Variants in NTNG1 observed in about 807,000 individuals in gnomAD.
The protein encoded by NTNG1 is netrin-G1.
NTNG1 carries 16 observed loss-of-function variants against 54.0 expected under a neutral mutation model. The ratio of observed to expected loss-of-function variants is 0.30; its 90% CI spans 0.20 to 0.45. NTNG1 has a LOEUF of 0.45. Ranked by LOEUF, NTNG1 falls within the 20% of genes least tolerant of loss-of-function variation. NTNG1 has a pLI of 1.00. For synonymous variants in NTNG1, 255 were observed against 263.1 expected (o/e 0.97, Z 0.30); for missense variants, 530 against 678.7 (o/e 0.78, Z 2.43).
intron 3 of NTNG1, among the ~76,000 whole-genome samples, chr1:107,345,683 C>T (rs1557918372): frequency 6.6e-6 from 1 of 152,120 alleles, no homozygotes; most frequent in Non-Finnish European, 1.5e-5. Flanking sequence ...TTACGTGCAG[C>T]CTTTGCAGTA....
At chr1:107,159,955 C>T (rs1270391231) in intron 2 of NTNG1, among the ~76,000 whole-genome samples, 2 of 152,160 alleles carry the variant, frequency 1.3e-5, no homozygotes, top group Non-Finnish European at 2.9e-5. Context: ...GAGCGGAGTA[C>T]ATATTGTATT....
At chr1:107,291,934 A>G (rs1665629775) in intron 2 of NTNG1, among the ~76,000 whole-genome samples, 1 of 152,210 alleles carries the variant, frequency 6.6e-6, no homozygotes, top group Admixed American at 6.5e-5. Flanking sequence ...TTAATAAAAG[A>G]ACTCTTTCAA....
At chr1:107,219,503 T>G (rs934509196) in intron 2 of NTNG1, among the ~76,000 whole-genome samples, 2 of 152,190 alleles carry the variant, frequency 1.3e-5, no homozygotes, top group Non-Finnish European at 2.9e-5. Context: ...TTTTGTCATG[T>G]TACTGGAATT....
At chr1:107,225,622 T>C (rs190766764) in intron 2 of NTNG1, among the ~76,000 whole-genome samples, 1 of 152,172 alleles carries the variant, frequency 6.6e-6, no homozygotes, top group Non-Finnish European at 1.5e-5. Context: ...GCTGAACACC[T>C]GTTAGCAGAG....
At chr1:107,470,622 T>C (rs1677921484) in intron 7 of NTNG1, among the ~76,000 whole-genome samples, 1 of 152,248 alleles carries the variant, frequency 6.6e-6, no homozygotes, top group Admixed American at 6.5e-5. Context: ...TGATATGTGT[T>C]GCCATTTTGT....
chr1:107,314,929 GA>G (rs1405128392), intron 2 of NTNG1, among the ~76,000 whole-genome samples: 1 of 152,280 alleles, frequency 6.6e-6, no homozygotes, highest in South Asian at 2.1e-4. Flanking sequence ...TTGTTATGAA[GA>G]AATGAGCAAA....
chr1:107,277,640 G>C (rs935928117), intron 2 of NTNG1, among the ~76,000 whole-genome samples: 9 of 152,264 alleles, frequency 5.9e-5, no homozygotes, highest in African/African-American at 2.2e-4. Flanking sequence ...TTTTTGGCTT[G>C]GAAGTTTCTA....
rs1045031142 is a variant in NTNG1 at position 107,481,200 on chromosome 1, C to T, written c.*360C>T. The T allele has an allele frequency of 1.8e-5, 5 of 278,346 alleles. 1 individual carries two copies. The highest frequency in any genetic ancestry group is 4.8e-5 in the Admixed American group (1 of 20,812). 17.2% of individuals were successfully genotyped at this position (278,346 alleles called of 1,614,324 possible). ...ACATTGGCTACTCTAGCGTGGTGCG[C>T]CCTAGTACGACTCCGCCCAGTGTGT... On this transcript the variant is annotated 3_prime_UTR_variant, in exon 8 of 8. Coordinates refer to ENST00000370068, the MANE Select transcript of NTNG1 (RefSeq NM_001113226.3).
At chr1:107,188,201 T>C (rs1436032838) in intron 2 of NTNG1, among the ~76,000 whole-genome samples, 2 of 152,150 alleles carry the variant, frequency 1.3e-5, no homozygotes, top group Non-Finnish European at 2.9e-5. Context: ...ACAATAGATC[T>C]GAATGAATTT....
At chr1:107,274,501 C>T (rs1334596925) in intron 2 of NTNG1, among the ~76,000 whole-genome samples, 1 of 152,204 alleles carries the variant, frequency 6.6e-6, no homozygotes, top group Non-Finnish European at 1.5e-5. Context: ...ATTATCATCC[C>T]TTCCTTTTAC....
chr1:107,470,868 G>A (rs762741780), intron 7 of NTNG1, among the ~76,000 whole-genome samples: 2 of 152,094 alleles, frequency 1.3e-5, no homozygotes, highest in Non-Finnish European at 2.9e-5. Context: ...TCAGCTTGTA[G>A]GATTCTCAGT....
rs544402685 is a variant in NTNG1, at chr1:107,279,444, C to T, written c.247-44838C>T. ...CAACTAGCGTGACATCATCACTGAC[C>T]AATCAAGGCAGAAGTCATTTTTAAA... On this transcript the variant is annotated intron_variant, in intron 2 of 7. Coordinates refer to ENST00000370068, the MANE Select transcript of NTNG1 (RefSeq NM_001113226.3). 4.6e-5 allele frequency among the ~76,000 whole-genome samples: 7 copies of T among 152,226 alleles called. No individual in the cohort carries two copies. The East Asian group carries it at 1.4e-3, about 29-fold the overall frequency.
chr1:107,409,967 C>T (rs1020010558), intron 5 of NTNG1: 10 of 152,032 alleles, frequency 6.6e-5, no homozygotes, highest in African/African-American at 2.2e-4. Flanking sequence ...AGAATTCACA[C>T]GTAGACGACA....
At chr1:107,366,400 C>CA (rs1421715620) in intron 3 of NTNG1, among the ~76,000 whole-genome samples, 1 of 152,076 alleles carries the variant, frequency 6.6e-6, no homozygotes, top group Non-Finnish European at 1.5e-5. Flanking sequence ...AATATAGACC[C>CA]AAAAAATCTG....
At chr1:107,352,083 T>G (rs1238031078) in intron 3 of NTNG1, among the ~76,000 whole-genome samples, 1 of 152,266 alleles carries the variant, frequency 6.6e-6, no homozygotes, top group Non-Finnish European at 1.5e-5. Flanking sequence ...TTTGCAGGGT[T>G]CAGCCCCTGT....
At chr1:107,211,163 T>C (rs909750958) in intron 2 of NTNG1, among the ~76,000 whole-genome samples, 4 of 152,292 alleles carry the variant, frequency 2.6e-5, no homozygotes, top group South Asian at 2.1e-4. Context: ...GGAACAGTGT[T>C]GGGTGAATTG....
chr1:107,403,329 A>G (rs1376888329), intron 4 of NTNG1, among the ~76,000 whole-genome samples: 2 of 152,150 alleles, frequency 1.3e-5, no homozygotes, highest in Non-Finnish European at 2.9e-5. Context: ...CTCAACACGT[A>G]TGTATTTCTG....
chr1:107,258,608 T>C (rs1663090138), intron 2 of NTNG1, among the ~76,000 whole-genome samples: 1 of 152,168 alleles, frequency 6.6e-6, no homozygotes, highest in Non-Finnish European at 1.5e-5. Context: ...TTCTATTATA[T>C]CCTGATTTTC....
At chr1:107,453,271 C>A (rs545483225) in intron 7 of NTNG1, among the ~76,000 whole-genome samples, 1 of 152,274 alleles carries the variant, frequency 6.6e-6, no homozygotes, top group African/African-American at 2.4e-5. Context: ...ACTTCTTTTT[C>A]ATCAAGAAGG....
Sources: allele counts gnomAD v4.1 joint callset (sites outside exome capture counted in the v4.1 genomes callset), GRCh38; gene constraint gnomAD v4.1.1; transcripts MANE v1.5; gene names NCBI Gene and HGNC (gene_info 2026-07-23, HGNC 2026-07-21).